The following DARS1 variants were observed in gnomAD, a reference collection of about 807,000 sequenced individuals.
DARS1 encodes the protein aspartyl-tRNA synthetase 1, also known as aspartate--tRNA ligase, cytoplasmic.
In DARS1, 51 loss-of-function variants were observed where a neutral mutation model predicts 68.8. That is an observed-to-expected ratio of 0.74 (90% CI 0.59 to 0.94). DARS1 has a LOEUF of 0.94. Among genes scored for constraint, DARS1 ranks in the 40% least tolerant of loss-of-function variants. The pLI is 0.00. For synonymous variants in DARS1, 203 were observed against 190.4 expected, an observed-to-expected ratio of 1.07 and a Z score of -0.55; for missense variants, 607 against 597.3, an observed-to-expected ratio of 1.02 and a Z score of -0.17.
intron 2 of DARS1, among the ~76,000 whole-genome samples, chr2:135,982,228 T>C (rs563140782): frequency 6.6e-6 from 1 of 151,908 alleles, no homozygotes; most frequent in African/African-American, 2.4e-5. Flanking sequence ...AGAATAGAAG[T>C]AAAAGAAAGG....
intron 3 of DARS1, among the ~76,000 whole-genome samples, chr2:135,971,549 T>C (rs935682065): frequency 6.6e-6 from 1 of 152,202 alleles, no homozygotes; most frequent in Non-Finnish European, 1.5e-5. Flanking sequence ...GATGCTCATT[T>C]TCACCACTGT....
At chr2:135,985,634 G>A, upstream of DARS1, 1 of 1,443,724 alleles carries the variant, frequency 6.9e-7, no homozygotes, top group East Asian at 2.6e-5. Flanking sequence ...GATCGCGAGA[G>A]CTGCGGCTAT....
chr2:135,929,610 T>C (rs1681299344), intron 7 of DARS1, among the ~76,000 whole-genome samples: 1 of 152,220 alleles, frequency 6.6e-6, no homozygotes, highest in Admixed American at 6.5e-5. Context: ...ACCACTGAAA[T>C]GTCATGTAAG....
intron 5 of DARS1, among the ~76,000 whole-genome samples, chr2:135,939,420 A>G (rs1488038876): frequency 6.6e-6 from 1 of 152,246 alleles, no homozygotes; most frequent in Non-Finnish European, 1.5e-5. Context: ...CTGAGTACAT[A>G]ATGAAATGAA....
At chr2:135,985,679 G>A (rs939510354), upstream of DARS1, 48 of 1,274,278 alleles carry the variant, frequency 3.8e-5, no homozygotes, top group Admixed American at 8.2e-5. Context: ...CCGCGCGCAG[G>A]GTCTCCTCCC....
intron 2 of DARS1, chr2:135,980,502 C>T (rs1439048957): frequency 1.3e-5 from 2 of 152,096 alleles, no homozygotes; most frequent in African/African-American, 4.8e-5. Flanking sequence ...ATCTGATTTA[C>T]AGGAGAATAA....
intron 5 of DARS1, among the ~76,000 whole-genome samples, chr2:135,942,618 C>T (rs1273759337): frequency 1.3e-5 from 2 of 151,508 alleles, no homozygotes; most frequent in Non-Finnish European, 1.5e-5. Context: ...CAAACCTGCA[C>T]GTTGTGCACA....
In DARS1 at chr2:135,916,374, T is replaced by C; in HGVS notation, c.960-2A>G. On this transcript the variant is annotated splice_acceptor_variant, in intron 10 of 15. Coordinates refer to ENST00000264161, the MANE Select transcript of DARS1 (RefSeq NM_001349.4). LOFTEE classifies it high-confidence loss of function. The stretch of plus-strand genomic sequence containing the variant: ...ACTGTTTGAATTTCAGTCTGAAACC[T>C]ATTTGCAGAATGATTTAGTTAATAA... 6.6e-7 allele frequency: 1 copy of C among 1,508,282 alleles called. No homozygotes were observed. Among genetic ancestry groups the C allele is most frequent in the Non-Finnish European group, 9.2e-7 (1 of 1,084,968 alleles). The allele number at this position is 1,508,282 out of a possible 1,614,324, so 93.4% of individuals were successfully genotyped here.
At chr2:135,953,968 G>A (rs1317307165) in intron 4 of DARS1, among the ~76,000 whole-genome samples, 2 of 150,574 alleles carry the variant, frequency 1.3e-5, no homozygotes, top group Admixed American at 1.3e-4. Context: ...TGTTGACCAG[G>A]TTGGTCTTGA....
chr2:135,970,458 G>T (rs755875479), intron 3 of DARS1, among the ~76,000 whole-genome samples: 2 of 151,798 alleles, frequency 1.3e-5, no homozygotes, highest in Non-Finnish European at 2.9e-5. Flanking sequence ...GAAACAACAT[G>T]CCAAAACATA....
rs750930266 is a variant in DARS1, at chr2:135,924,403, A to C, written c.660T>G (p.Thr220=). The C allele has an allele frequency of 2.5e-6, 4 of 1,597,216 alleles. No homozygotes were observed. The South Asian group carries it at 4.6e-5, about 18-fold the overall frequency. ...GAAGCATACCTGAAATAATTTTAGG[A>C]GTTTGGATTTCCACAAAACCTTTGT... ...LINKGFVEIQ[T]PKIISAASEG... is the part of the protein sequence containing the mutation. The change falls in exon 8 of 16, where the codon ACT becomes ACG. Residue 220 remains threonine (T), a synonymous_variant. Coordinates refer to ENST00000264161, the MANE Select transcript of DARS1 (RefSeq NM_001349.4).
rs755661276 is a variant in DARS1, at chr2:135,937,589, C to T, written c.424-3599G>A. ...TGATGCAGTTTCTTCCTAGCATCGA[C>T]GGTCTTTACAATTTGGCATGTTTTT... On this transcript the variant is annotated intron_variant, in intron 5 of 15. Transcript: ENST00000264161. Among the ~76,000 whole-genome samples the T allele has an allele frequency of 8.9e-4, 136 of 152,146 alleles. 3 individuals are homozygous for T. Among genetic ancestry groups the T allele is most frequent in the Admixed American group, 2.3e-3 (35 of 15,282 alleles).
At chr2:135,967,137 A>G (rs1227793872) in intron 3 of DARS1, among the ~76,000 whole-genome samples, 1 of 152,216 alleles carries the variant, frequency 6.6e-6, no homozygotes, top group Non-Finnish European at 1.5e-5. Context: ...GCTGACTTTT[A>G]GCTTGCTAAG....
At chr2:135,939,824 A>T (rs549796844) in intron 5 of DARS1, among the ~76,000 whole-genome samples, 53 of 152,282 alleles carry the variant, frequency 3.5e-4, no homozygotes, top group African/African-American at 1.3e-3. Flanking sequence ...GATAAAGGGG[A>T]TATCACCACC....
At position 135,925,985 on chromosome 2, in the gene DARS1, G is replaced by T. The variant is rs568262290; in HGVS notation, c.565-1487C>A. On this transcript the variant is annotated intron_variant, in intron 7 of 15. Transcript: ENST00000264161. ...GGCTCACTGCAACCTCCACCTCCTG[G>T]GTTCAAGTGATTCTCCTGCCTCAGC... is the stretch of plus-strand genomic sequence containing the variant. Among the ~76,000 whole-genome samples the T allele has an allele frequency of 5.3e-5, 8 of 152,260 alleles. No individual in the cohort carries two copies. The East Asian group carries it at 1.2e-3, about 22-fold the overall frequency.
intron 3 of DARS1, among the ~76,000 whole-genome samples, chr2:135,968,384 T>C (rs1682286808): frequency 6.6e-6 from 1 of 152,182 alleles, no homozygotes; most frequent in Admixed American, 6.5e-5. Context: ...GGGTAATTTA[T>C]ATGGAAACAA....
At chr2:135,909,402 T>C (rs921638197) in intron 15 of DARS1, among the ~76,000 whole-genome samples, 1 of 152,202 alleles carries the variant, frequency 6.6e-6, no homozygotes, top group Non-Finnish European at 1.5e-5. Flanking sequence ...TTACAGTGTA[T>C]GATGTGACAC....
rs1486769793 is a variant in DARS1, at chr2:135,979,288, G to A, written c.203C>T (p.Thr68Ile). 1 of 1,405,308 alleles carries A rather than the reference G, an allele frequency of 7.1e-7. No homozygotes were observed. The highest frequency in any genetic ancestry group is 2.3e-5 in the East Asian group (1 of 43,878). The allele number at this position is 1,405,308 out of a possible 1,614,324, so 87.1% of individuals were successfully genotyped here. The part of the protein sequence containing the change: ...EVVWVRARVH[T>I]SRAKGKQCFL... The stretch of plus-strand genomic sequence containing the variant: ...ACCAATCCTACCTTTAGCTCTGCTT[G>A]TATGAACTCTTGCACGTACCCAAAC... Residue 68 changes from threonine to isoleucine, a missense_variant, in exon 3 of 16, where the codon ACA (threonine) becomes ATA (isoleucine). Thr to Ile is a moderately conservative substitution (Grantham distance 89, BLOSUM62 -1). Transcript: ENST00000264161.
At chr2:135,970,166 C>T (rs140052047) in intron 3 of DARS1, among the ~76,000 whole-genome samples, 175 of 145,794 alleles carry the variant, frequency 1.2e-3, no homozygotes, top group Non-Finnish European at 1.9e-3. Context: ...TGTATGAGGC[C>T]AAGAGTTGGA....
Sources: allele counts gnomAD v4.1 joint callset (sites outside exome capture counted in the v4.1 genomes callset), GRCh38; gene constraint gnomAD v4.1.1; transcripts MANE v1.5; gene names NCBI Gene and HGNC (gene_info 2026-07-23, HGNC 2026-07-21).